The following LRBA variants were observed in gnomAD, a reference collection of about 807,000 sequenced individuals.
LRBA encodes the protein lipopolysaccharide-responsive and beige-like anchor protein.
In LRBA, 176 loss-of-function variants were observed where a neutral mutation model predicts 330.0. The ratio of observed to expected loss-of-function variants is 0.53; its 90% CI spans 0.47 to 0.60. LRBA has a LOEUF of 0.60. Ranked by LOEUF, LRBA falls within the 20% of genes least tolerant of loss-of-function variation. LRBA has a pLI of 0.00. For synonymous variants in LRBA, 1,230 were observed against 1,193.0 expected, an observed-to-expected ratio of 1.03 and a Z score of -0.64; for missense variants, 3,259 against 3,444.8, an observed-to-expected ratio of 0.95 and a Z score of 1.35.
At chr4:150,338,483 T>C (rs1002664816) in intron 48 of LRBA, among the ~76,000 whole-genome samples, 5 of 152,316 alleles carry the variant, frequency 3.3e-5, no homozygotes, top group African/African-American at 1.2e-4. Context: ...CAGCAACATC[T>C]ACCTGCAAGT....
intron 37 of LRBA, among the ~76,000 whole-genome samples, chr4:150,674,993 G>A (rs1782405653): frequency 6.6e-6 from 1 of 152,092 alleles, no homozygotes; most frequent in Non-Finnish European, 1.5e-5. Context: ...AAGGTAGGTA[G>A]ATTGCTTGAG....
chr4:151,007,709 T>G (rs1279055119), intron 2 of LRBA, among the ~76,000 whole-genome samples: 3 of 150,656 alleles, frequency 2.0e-5, no homozygotes, highest in Non-Finnish European at 4.4e-5. Context: ...TACAAAAAAT[T>G]AGCCAGGCGT....
intron 40 of LRBA, among the ~76,000 whole-genome samples, chr4:150,566,448 T>A (rs1400730611): frequency 6.6e-6 from 1 of 152,038 alleles, no homozygotes; most frequent in Non-Finnish European, 1.5e-5. Context: ...AATTCATGAA[T>A]GAATAAAATA....
At chr4:150,683,494 C>G (rs1783232213) in intron 37 of LRBA, 57 bp downstream of exon 37, 1 of 1,358,016 alleles carries the variant, frequency 7.4e-7, no homozygotes, top group Non-Finnish European at 1.0e-6. Flanking sequence ...AGTCATTTAT[C>G]TAAACCTAAG....
At chr4:150,792,826 A>T (rs533116643) in intron 34 of LRBA, among the ~76,000 whole-genome samples, 63 of 152,276 alleles carry the variant, frequency 4.1e-4, no homozygotes, top group Admixed American at 7.2e-4. Flanking sequence ...CAGGCCTGTA[A>T]TCCCAGCACT....
intron 2 of LRBA, among the ~76,000 whole-genome samples, chr4:151,009,857 G>A (rs1245069204): frequency 1.3e-5 from 2 of 151,894 alleles, no homozygotes; most frequent in Admixed American, 6.6e-5. Flanking sequence ...GCACGTGCCT[G>A]TAGTCCCAGC....
chr4:150,794,025 T>C (rs1392243965), intron 34 of LRBA, among the ~76,000 whole-genome samples: 1 of 152,144 alleles, frequency 6.6e-6, no homozygotes, highest in East Asian at 1.9e-4. Context: ...AGATACCAAT[T>C]ATAGATATGA....
In LRBA at chr4:150,772,901, C is replaced by T. The variant is rs191764538; in HGVS notation, c.5581-11054G>A. Among the ~76,000 whole-genome samples, 281 of 152,214 alleles carry T rather than the reference C, an allele frequency of 1.8e-3. 1 individual carries two copies. The highest frequency in any genetic ancestry group is 6.4e-3 in the African/African-American group (267 of 41,528). ...GAGTAACATATCCAAATGAGGAATACGTTGCCTCTAAAATCCATAGAGTCT... is the reference window on the plus strand; with the variant it reads ...GAGTAACATATCCAAATGAGGAATATGTTGCCTCTAAAATCCATAGAGTCT... On this transcript the variant is annotated intron_variant, in intron 34 of 56. Transcript: ENST00000651943.
intron 42 of LRBA, among the ~76,000 whole-genome samples, chr4:150,474,276 C>G (rs542781269): frequency 2.6e-5 from 4 of 152,078 alleles, no homozygotes. Flanking sequence ...AACAATTGAC[C>G]GCAAACTCAA....
At chr4:150,307,248 G>GT (rs1344050718) in intron 52 of LRBA, among the ~76,000 whole-genome samples, 1 of 152,066 alleles carries the variant, frequency 6.6e-6, no homozygotes, top group Non-Finnish European at 1.5e-5. Context: ...GAACAGATTA[G>GT]TTGTTGCCAG....
At chr4:150,956,866 C>T (rs1737598904) in intron 2 of LRBA, among the ~76,000 whole-genome samples, 1 of 149,256 alleles carries the variant, frequency 6.7e-6, no homozygotes, top group African/African-American at 2.6e-5. Flanking sequence ...ACTTCTTCAA[C>T]CTGACAAAGG....
At chr4:150,657,347 T>C (rs965449925) in intron 37 of LRBA, among the ~76,000 whole-genome samples, 1 of 152,166 alleles carries the variant, frequency 6.6e-6, no homozygotes, top group Non-Finnish European at 1.5e-5. Flanking sequence ...ATGTTTTTAG[T>C]AATAACCTCT....
chr4:150,715,349 G>T (rs1786638497), intron 36 of LRBA, among the ~76,000 whole-genome samples: 1 of 152,140 alleles, frequency 6.6e-6, no homozygotes, highest in African/African-American at 2.4e-5. Context: ...TGGTGGTCCT[G>T]AACAGTTGAG....
chr4:150,804,788 A>T (rs1243545463), intron 33 of LRBA, among the ~76,000 whole-genome samples: 1 of 152,096 alleles, frequency 6.6e-6, no homozygotes, highest in Non-Finnish European at 1.5e-5. Flanking sequence ...ATCATCATTT[A>T]TAAAAAGCCC....
intron 47 of LRBA, among the ~76,000 whole-genome samples, chr4:150,380,784 T>C (rs2151887875): frequency 6.6e-6 from 1 of 150,680 alleles, no homozygotes; most frequent in Middle Eastern, 3.4e-3. Context: ...AAGACCAGCC[T>C]GACCAACATG....
intron 37 of LRBA, among the ~76,000 whole-genome samples, chr4:150,608,977 C>A (rs146551890): frequency 1.7e-4 from 26 of 150,928 alleles, no homozygotes; most frequent in African/African-American, 6.1e-4. Context: ...TGTGTAGATA[C>A]GCTGCATTTT....
At chr4:150,634,261 T>C (rs962511594) in intron 37 of LRBA, among the ~76,000 whole-genome samples, 12 of 152,234 alleles carry the variant, frequency 7.9e-5, no homozygotes, top group African/African-American at 2.7e-4. Flanking sequence ...TCATTCTTCA[T>C]AGCATTTTCA....
chr4:150,868,884 G>C (rs988579535), intron 20 of LRBA, among the ~76,000 whole-genome samples: 1 of 152,058 alleles, frequency 6.6e-6, no homozygotes, highest in Non-Finnish European at 1.5e-5. Context: ...GCTGCAGTGA[G>C]CCAAGATCGT....
Position 150,302,683 on chromosome 4 carries a change from T to G in LRBA, c.7959A>C (p.Ala2653=). Residue 2653 remains alanine (A), a synonymous_variant, in exon 53 of 57, where the codon GCA becomes GCC. Coordinates refer to ENST00000651943, the MANE Select transcript of LRBA (RefSeq NM_001364905.1). ...NCYILSGSRD[A]TLLLWYWNGK... Reference sequence around the variant, plus strand: ...CATTCCAATACCACAGCAAAAGAGTTGCATCACGTGACCCTGAGAGAATGT... The same window carrying G: ...CATTCCAATACCACAGCAAAAGAGTGGCATCACGTGACCCTGAGAGAATGT... 1.2e-6 allele frequency: 2 copies of G among 1,613,118 alleles called. No homozygotes were observed. The highest frequency in any genetic ancestry group is 1.7e-6 in the Non-Finnish European group (2 of 1,179,396).
Sources: gnomAD v4.1 joint callset for allele counts (sites outside exome capture counted in the v4.1 genomes callset) on GRCh38, gnomAD v4.1.1 for gene constraint, MANE v1.5 for transcripts, NCBI Gene and HGNC (gene_info 2026-07-23, HGNC 2026-07-21) for gene names.